Variants in FBXL7 observed in about 807,000 individuals in gnomAD.
The protein encoded by FBXL7 is F-box and leucine rich repeat protein 7.
A neutral mutation model predicts 38.3 loss-of-function variants in FBXL7; 12 were observed. The ratio of observed to expected loss-of-function variants is 0.31; its 90% CI spans 0.20 to 0.51. The LOEUF (loss-of-function observed/expected upper bound fraction) is 0.51, where lower values mean the gene tolerates loss of function less well. Among genes scored for constraint, FBXL7 ranks in the 20% least tolerant of loss-of-function variants. The probability of loss-of-function intolerance (pLI) is 0.98; values close to 1 mark genes in which losing one functional copy is unlikely to be tolerated. For missense variants in FBXL7, 567 were observed against 676.4 expected (o/e 0.84, Z 1.79); for synonymous variants, 297 against 300.9 (o/e 0.99, Z 0.13).
At chr5:15,501,474 C>T in intron 1 of FBXL7, 1 of 985,552 alleles carries the variant, frequency 1.0e-6, no homozygotes, top group African/African-American at 1.7e-5. Context: ...TAGCAGCTAG[C>T]CCCTGATACG....
intron 1 of FBXL7, among the ~76,000 whole-genome samples, chr5:15,551,990 TC>T (rs1241685300): frequency 6.6e-6 from 1 of 152,228 alleles, no homozygotes; most frequent in African/African-American, 2.4e-5. Context: ...AAACAATGCA[TC>T]CCGTTTTCCA....
chr5:15,881,969 A>G (rs1740471930), intron 2 of FBXL7, among the ~76,000 whole-genome samples: 1 of 152,156 alleles, frequency 6.6e-6, no homozygotes, highest in Non-Finnish European at 1.5e-5. Flanking sequence ...GAAACTTACA[A>G]TCATGATGGA....
At chr5:15,817,447 T>C in intron 2 of FBXL7, among the ~76,000 whole-genome samples, 1 of 152,066 alleles carries the variant, frequency 6.6e-6, no homozygotes, top group Non-Finnish European at 1.5e-5. Flanking sequence ...AGGTGAGAAA[T>C]TATAGGCTGG....
intron 2 of FBXL7, among the ~76,000 whole-genome samples, chr5:15,848,076 C>T (rs1205377632): frequency 6.6e-6 from 1 of 152,084 alleles, no homozygotes; most frequent in Admixed American, 6.6e-5. Flanking sequence ...TGTTTAAAGC[C>T]GTTGAGTTTA....
At chr5:15,501,931 G>GTTT (rs546310381) in intron 1 of FBXL7, among the ~76,000 whole-genome samples, 5 of 135,138 alleles carry the variant, frequency 3.7e-5, no homozygotes, top group African/African-American at 1.4e-4. Context: ...AGTGATTTGA[G>GTTT]TTTTTTTTTT....
At chr5:15,661,243 G>T (rs1742057476) in intron 2 of FBXL7, among the ~76,000 whole-genome samples, 1 of 152,084 alleles carries the variant, frequency 6.6e-6, no homozygotes, top group Non-Finnish European at 1.5e-5. Context: ...AATTTTATGG[G>T]TTGACTTGGA....
At chr5:15,536,779 G>A (rs370929184) in intron 1 of FBXL7, among the ~76,000 whole-genome samples, 51 of 152,246 alleles carry the variant, frequency 3.3e-4, no homozygotes, top group African/African-American at 1.1e-3. Flanking sequence ...TTGGGGGACT[G>A]TTGGGAAGGC....
In FBXL7 at chr5:15,791,397, A is replaced by G. The variant is rs530670423; in HGVS notation, c.128-136493A>G. Among the ~76,000 whole-genome samples the G allele has an allele frequency of 2.6e-5, 4 of 152,314 alleles. No individual in the cohort carries two copies. The East Asian group carries it at 5.8e-4, about 22-fold the overall frequency. On this transcript the variant is annotated intron_variant, in intron 2 of 3. Transcript: ENST00000504595. ...TGATAACTCAAATAAAAACTGTTTC[A>G]TGTCCACTGTACGGCAGCTACATGG...
intron 2 of FBXL7, among the ~76,000 whole-genome samples, chr5:15,665,338 T>A (rs1742234570): frequency 6.6e-6 from 1 of 152,222 alleles, no homozygotes; most frequent in South Asian, 2.1e-4. Flanking sequence ...TAGTCCAAAC[T>A]TGGTCTTTAA....
chr5:15,804,450 C>T (rs1341788189), intron 2 of FBXL7, among the ~76,000 whole-genome samples: 4 of 152,018 alleles, frequency 2.6e-5, no homozygotes, highest in Non-Finnish European at 5.9e-5. Flanking sequence ...GTCTGGACAA[C>T]AAAATGAGAC....
intron 2 of FBXL7, among the ~76,000 whole-genome samples, chr5:15,685,447 A>C (rs1742987405): frequency 1.3e-5 from 2 of 152,192 alleles, no homozygotes; most frequent in African/African-American, 2.4e-5. Context: ...CCACAGAGGA[A>C]AGAGTTTTAC....
At position 15,662,551 on chromosome 5, in the gene FBXL7, G is replaced by A. The variant is rs1167968353; in HGVS notation, c.127+46479G>A. Reference sequence around the variant, plus strand: ...TTTTTGCTATTGTTGATATTTTAGTGTCTTTGTCATTAAATTTTTGCTTGT... The same window carrying A: ...TTTTTGCTATTGTTGATATTTTAGTATCTTTGTCATTAAATTTTTGCTTGT... On this transcript the variant is annotated intron_variant, in intron 2 of 3. Transcript: ENST00000504595. Among the ~76,000 whole-genome samples, 3 of 152,044 alleles carry A rather than the reference G, an allele frequency of 2.0e-5. No homozygotes were observed. In the East Asian group the frequency reaches 5.8e-4, roughly 29 times the overall value.
At chr5:15,851,517 T>C (rs941709490) in intron 2 of FBXL7, among the ~76,000 whole-genome samples, 1 of 152,178 alleles carries the variant, frequency 6.6e-6, no homozygotes, top group Admixed American at 6.5e-5. Flanking sequence ...GTTTGAAATA[T>C]ACTCTGCAGC....
intron 2 of FBXL7, among the ~76,000 whole-genome samples, chr5:15,900,328 A>G (rs1741204367): frequency 6.6e-6 from 1 of 152,162 alleles, no homozygotes; most frequent in Non-Finnish European, 1.5e-5. Flanking sequence ...TTCTCACACG[A>G]TGGCCTTCCA....
intron 2 of FBXL7, among the ~76,000 whole-genome samples, chr5:15,842,342 T>G (rs375006504): frequency 4.6e-5 from 7 of 152,228 alleles, no homozygotes; most frequent in African/African-American, 1.7e-4. Context: ...TTGGCCAATT[T>G]CTTCCATTTG....
At chr5:15,524,603 T>C (rs1349917533) in intron 1 of FBXL7, among the ~76,000 whole-genome samples, 3 of 152,244 alleles carry the variant, frequency 2.0e-5, no homozygotes. Context: ...GAGTTAGTTT[T>C]TTATTCATTG....
chr5:15,630,567 T>G (rs568481515), intron 2 of FBXL7, among the ~76,000 whole-genome samples: 1 of 152,278 alleles, frequency 6.6e-6, no homozygotes, highest in East Asian at 1.9e-4. Flanking sequence ...ATTCTTTCCT[T>G]GTTTTATTTT....
intron 2 of FBXL7, among the ~76,000 whole-genome samples, chr5:15,793,147 A>G (rs1384540004): frequency 6.6e-6 from 1 of 152,130 alleles, no homozygotes; most frequent in African/African-American, 2.4e-5. Flanking sequence ...ACCATGTTGT[A>G]GCTGGAAGTC....
chr5:15,733,397 A>G (rs1735665503), intron 2 of FBXL7, among the ~76,000 whole-genome samples: 1 of 152,194 alleles, frequency 6.6e-6, no homozygotes, highest in Non-Finnish European at 1.5e-5. Context: ...GCCAGAAATC[A>G]TATTTAATGT....
Sources: gnomAD v4.1 joint callset for allele counts (sites outside exome capture counted in the v4.1 genomes callset) on GRCh38, gnomAD v4.1.1 for gene constraint, MANE v1.5 for transcripts, NCBI Gene and HGNC (gene_info 2026-07-23, HGNC 2026-07-21) for gene names.